The following PRKCE variants were observed in gnomAD, a reference collection of about 807,000 sequenced individuals.
PRKCE encodes the protein protein kinase C epsilon type.
PRKCE carries 16 observed loss-of-function variants against 85.4 expected under a neutral mutation model. The observed-to-expected ratio is 0.19, with a 90% CI of 0.13 to 0.28. PRKCE has a LOEUF of 0.28. PRKCE is among the 10% of genes least tolerant of loss of function. PRKCE has a pLI of 1.00. For missense variants in PRKCE, 573 were observed against 975.2 expected (o/e 0.59, Z 5.49); for synonymous variants, 388 against 371.5 (o/e 1.04, Z -0.51).
At chr2:46,063,902 C>T (rs999317781) in intron 10 of PRKCE, among the ~76,000 whole-genome samples, 13 of 152,142 alleles carry the variant, frequency 8.5e-5, no homozygotes, top group African/African-American at 3.1e-4. Flanking sequence ...GAATTCCAGT[C>T]CTCTCTGAGC....
At chr2:46,096,894 C>T (rs1670739146) in intron 11 of PRKCE, among the ~76,000 whole-genome samples, 1 of 152,114 alleles carries the variant, frequency 6.6e-6, no homozygotes, top group African/African-American at 2.4e-5. Context: ...GAGGGCAAGG[C>T]CTGCGGACTT....
rs1553440407 is a variant in PRKCE, at chr2:45,885,002, T to TATTTTTTTTTG, written c.412+41939_412+41940insATTTTTTTTTG. 9.1e-4 allele frequency among the ~76,000 whole-genome samples: 89 copies of TATTTTTTTTTG among 97,646 alleles called. 3 individuals carry two copies. Among genetic ancestry groups the TATTTTTTTTTG allele is most frequent in the Non-Finnish European group, 1.6e-3 (75 of 47,598 alleles). The allele number at this position is 97,646 out of a possible 152,430, so 64.1% of individuals were successfully genotyped here. On this transcript the variant is annotated intron_variant, in intron 2 of 14. Transcript: ENST00000306156. Reference sequence around the variant, plus strand: ...ATATATATATATATATATATATATATTTGTTGTTGTTGTTGTTGTTTTACC... The same window carrying TATTTTTTTTTG: ...ATATATATATATATATATATATATATATTTTTTTTTGTTGTTGTTGTTGTTGTTGTTTTACC...
intron 2 of PRKCE, among the ~76,000 whole-genome samples, chr2:45,931,848 AGGCACCT>A (rs1053910083): frequency 6.6e-6 from 1 of 152,042 alleles, no homozygotes; most frequent in African/African-American, 2.4e-5. Context: ...CTGGGACTAC[AGGCACCT>A]GCTGCCACAC....
At chr2:45,809,802 C>T (rs1688524980) in intron 1 of PRKCE, among the ~76,000 whole-genome samples, 2 of 151,190 alleles carry the variant, frequency 1.3e-5, no homozygotes, top group African/African-American at 2.4e-5. Context: ...ATTGCTTGAA[C>T]CCAGGAGGCA....
intron 1 of PRKCE, among the ~76,000 whole-genome samples, chr2:45,665,855 G>T (rs1295958464): frequency 6.6e-6 from 1 of 152,114 alleles, no homozygotes; most frequent in African/African-American, 2.4e-5. Context: ...CCCCAATAAT[G>T]AAACATGCCC....
rs1671597154 is a variant in PRKCE, at chr2:46,105,154, C to A, written c.1592+18792C>A. Among the ~76,000 whole-genome samples the A allele has an allele frequency of 2.0e-5, 3 of 152,024 alleles. No homozygotes were observed. In the East Asian group the frequency reaches 5.8e-4, roughly 29 times the overall value. ...GCTTCTTGGTAGACAGAAGCTGCTT[C>A]TCCTGTTATCTTGACATTTTTTTAA... On this transcript the variant is annotated intron_variant, in intron 11 of 14. Transcript: ENST00000306156.
At chr2:45,897,039 C>T (rs572341407) in intron 2 of PRKCE, among the ~76,000 whole-genome samples, 3 of 152,208 alleles carry the variant, frequency 2.0e-5, no homozygotes, top group Middle Eastern at 3.4e-3. Context: ...GAGTGTGCCA[C>T]CACACTCCAG....
chr2:46,181,931 C>T (rs1339919135), intron 14 of PRKCE, among the ~76,000 whole-genome samples: 1 of 152,202 alleles, frequency 6.6e-6, no homozygotes, highest in Admixed American at 6.5e-5. Context: ...CTCCTGCCTA[C>T]ACGCCTTGTA....
At chr2:45,739,788 A>G (rs1017936704) in intron 1 of PRKCE, among the ~76,000 whole-genome samples, 1 of 152,108 alleles carries the variant, frequency 6.6e-6, no homozygotes, top group Non-Finnish European at 1.5e-5. Flanking sequence ...AAGACTGTAT[A>G]TATTTGTCAA....
chr2:45,744,573 CCTTT>C lies in PRKCE; in HGVS notation c.348+92130_348+92133del, dbSNP rs1328543460. ...TTCTTCCTTCCTTCCTTCCTTCCTTCCTTTCTTTTTCTTTCTTTCTTTCCTCCTT... is the reference window on the plus strand; with the variant it reads ...TTCTTCCTTCCTTCCTTCCTTCCTTCCTTTTTCTTTCTTTCTTTCCTCCTT... On this transcript the variant is annotated intron_variant, in intron 1 of 14. Transcript: ENST00000306156. 2.3e-4 allele frequency among the ~76,000 whole-genome samples: 25 copies of C among 107,442 alleles called. 2 individuals are homozygous for C. Among genetic ancestry groups the C allele is most frequent in the African/African-American group, 6.6e-4 (22 of 33,460 alleles). The allele number at this position is 107,442 out of a possible 152,430, so 70.5% of individuals were successfully genotyped here.
intron 2 of PRKCE, among the ~76,000 whole-genome samples, chr2:45,910,903 G>A (rs532253432): frequency 6.6e-6 from 1 of 152,334 alleles, no homozygotes; most frequent in African/African-American, 2.4e-5. Context: ...GGCCTGGCAA[G>A]CAGAGCGTGC....
intron 10 of PRKCE, among the ~76,000 whole-genome samples, chr2:46,078,552 A>AT (rs1553339812): frequency 6.5e-4 from 99 of 151,198 alleles, no homozygotes; most frequent in East Asian, 5.7e-3. Context: ...AAAAAAAAAA[A>AT]AATAAGATTT....
In PRKCE at chr2:45,744,495, CTTTCT is replaced by C. The variant is rs1214931018; in HGVS notation, c.348+92055_348+92059del. On this transcript the variant is annotated intron_variant, in intron 1 of 14. Coordinates refer to ENST00000306156, the MANE Select transcript of PRKCE (RefSeq NM_005400.3). Reference sequence around the variant, plus strand: ...TTTCTTTCTTTCTTTCTTTTTCTTTCTTTCTTTTCTTTCTTTCTTTCTTTCTTTCT... The same window carrying C: ...TTTCTTTCTTTCTTTCTTTTTCTTTCTTTCTTTCTTTCTTTCTTTCTTTCT... Among the ~76,000 whole-genome samples, 6 of 53,996 alleles carry C rather than the reference CTTTCT, an allele frequency of 1.1e-4. 1 individual carries two copies. Among genetic ancestry groups the C allele is most frequent in the South Asian group, 1.5e-3 (2 of 1,298 alleles). 35.4% of individuals were successfully genotyped at this position (53,996 alleles called of 152,430 possible).
At chr2:45,894,988 G>C (rs1025495392) in intron 2 of PRKCE, among the ~76,000 whole-genome samples, 3 of 152,246 alleles carry the variant, frequency 2.0e-5, no homozygotes, top group Non-Finnish European at 2.9e-5. Context: ...CTCCCAAAGT[G>C]CTGGGATTAC....
chr2:45,865,099 A>G (rs1693480373), intron 2 of PRKCE, among the ~76,000 whole-genome samples: 1 of 152,226 alleles, frequency 6.6e-6, no homozygotes, highest in South Asian at 2.1e-4. Flanking sequence ...GGAACTTGTT[A>G]AAATGCGGAT....
intron 1 of PRKCE, among the ~76,000 whole-genome samples, chr2:45,824,167 G>T (rs536917836): frequency 2.4e-4 from 37 of 152,364 alleles, no homozygotes; most frequent in Non-Finnish European, 4.7e-4. Flanking sequence ...CAATCAAAGA[G>T]AATCAGGGAT....
chr2:45,870,480 CT>C (rs567538635), intron 2 of PRKCE, among the ~76,000 whole-genome samples: 10 of 152,332 alleles, frequency 6.6e-5, no homozygotes, highest in Middle Eastern at 3.4e-3. Flanking sequence ...GATTTGGGCA[CT>C]TAAGTGATGT....
intron 2 of PRKCE, among the ~76,000 whole-genome samples, chr2:45,926,919 G>C (rs1027748602): frequency 1.7e-4 from 26 of 152,158 alleles, no homozygotes; most frequent in African/African-American, 6.3e-4. Flanking sequence ...GTGTGAGTGT[G>C]GATAGGACAC....
chr2:45,698,891 G>C (rs971325570), intron 1 of PRKCE, among the ~76,000 whole-genome samples: 2 of 152,088 alleles, frequency 1.3e-5, no homozygotes, highest in Non-Finnish European at 2.9e-5. Context: ...TCCCTTTTGG[G>C]AGAATTAACA....
Sources: gnomAD v4.1 joint callset for allele counts (sites outside exome capture counted in the v4.1 genomes callset) on GRCh38, gnomAD v4.1.1 for gene constraint, MANE v1.5 for transcripts, NCBI Gene and HGNC (gene_info 2026-07-23, HGNC 2026-07-21) for gene names.